MAPK6: variants seen among roughly 807,000 people sequenced by gnomAD.
MAPK6 encodes the protein mitogen-activated protein kinase 6, also known as ERK-3.
In MAPK6, 19 loss-of-function variants were observed where a neutral mutation model predicts 59.3. The ratio of observed to expected loss-of-function variants is 0.32; its 90% CI spans 0.22 to 0.47. MAPK6 has a LOEUF of 0.47. Among genes scored for constraint, MAPK6 ranks in the 20% least tolerant of loss-of-function variants. The pLI is 1.00. For synonymous variants in MAPK6, 316 were observed against 290.3 expected (o/e 1.09, Z -0.90); for missense variants, 724 against 847.9 (o/e 0.85, Z 1.81).
intron 1 of MAPK6, among the ~76,000 whole-genome samples, chr15:51,978,795 A>G (rs893548739): frequency 4.0e-5 from 6 of 151,870 alleles, no homozygotes; most frequent in Non-Finnish European, 8.8e-5. Flanking sequence ...TATAACATAG[A>G]TTACATTACA....
upstream of MAPK6, chr15:52,018,881 C>T (rs904506819): frequency 6.6e-6 from 1 of 152,570 alleles, no homozygotes; most frequent in African/African-American, 2.4e-5. Flanking sequence ...TTCCTGGAGA[C>T]TGAGGCCTCT....
rs2032426305 is a variant in MAPK6 at position 52,066,531 on chromosome 15, C to G, written c.*1531C>G. On this transcript the variant is annotated 3_prime_UTR_variant, in exon 6 of 6. Transcript: ENST00000261845. ...ATACATCTTTGCGTAAGAACTTACC[C>G]TTTTACCTATCCAGCTACAAAACCA... The G allele has an allele frequency of 6.6e-6, 1 of 151,702 alleles. No individual in the cohort carries two copies. Among genetic ancestry groups the G allele is most frequent in the Non-Finnish European group, 1.5e-5 (1 of 67,918 alleles). The allele number at this position is 151,702 out of a possible 1,614,324, so 9.4% of individuals were successfully genotyped here.
At chr15:52,032,455 G>T (rs1417341722) in intron 1 of MAPK6, among the ~76,000 whole-genome samples, 1 of 152,098 alleles carries the variant, frequency 6.6e-6, no homozygotes, top group Non-Finnish European at 1.5e-5. Flanking sequence ...CTCCCAAAGT[G>T]CTGGGATTAC....
chr15:52,039,509 C>CTTT (rs11341546), intron 1 of MAPK6, among the ~76,000 whole-genome samples: 20 of 85,810 alleles, frequency 2.3e-4, no homozygotes, highest in African/African-American at 5.2e-4. Context: ...AGTGTTTTGT[C>CTTT]TTTTTTTTTT....
At chr15:52,039,004 A>T (rs1263633549) in intron 1 of MAPK6, among the ~76,000 whole-genome samples, 1 of 152,174 alleles carries the variant, frequency 6.6e-6, no homozygotes, top group East Asian at 1.9e-4. Flanking sequence ...TTCTAATATG[A>T]ATGGGTTACA....
rs2032383401 is a variant in MAPK6, at chr15:52,065,550, A to G, written c.*550A>G. ...CCACCCATAGTGCTTCACAAAATGC[A>G]CTTCTATTTAGCCAGCGTTTATTGT... is the stretch of plus-strand genomic sequence containing the variant. On this transcript the variant is annotated 3_prime_UTR_variant, in exon 6 of 6. Coordinates refer to ENST00000261845, the MANE Select transcript of MAPK6 (RefSeq NM_002748.4). The G allele has an allele frequency of 6.6e-6, 1 of 152,662 alleles. No individual in the cohort carries two copies. The highest frequency in any genetic ancestry group is 2.4e-5 in the African/African-American group (1 of 41,458). 9.5% of individuals were successfully genotyped at this position (152,662 alleles called of 1,614,324 possible).
At chr15:52,050,381 T>TA (rs2031738874) in intron 3 of MAPK6, among the ~76,000 whole-genome samples, 1 of 152,244 alleles carries the variant, frequency 6.6e-6, no homozygotes, top group Non-Finnish European at 1.5e-5. Context: ...GGACCCATAA[T>TA]ACTTGTTGGT....
chr15:52,029,890 C>T (rs1595983804), intron 1 of MAPK6, among the ~76,000 whole-genome samples: 2 of 152,342 alleles, frequency 1.3e-5, no homozygotes, highest in Admixed American at 1.3e-4. Context: ...ACATTCTTCT[C>T]CCAGTAACAA....
At chr15:51,977,863 G>A (rs2057161779) in intron 1 of MAPK6, among the ~76,000 whole-genome samples, 2 of 151,850 alleles carry the variant, frequency 1.3e-5, no homozygotes, top group South Asian at 4.1e-4. Flanking sequence ...TGCCACCTCA[G>A]TGAAGGAGCC....
At chr15:52,019,598 GCGTCCCCGCGC>G (rs977532577) in intron 1 of MAPK6, among the ~76,000 whole-genome samples, 8 of 146,110 alleles carry the variant, frequency 5.5e-5, no homozygotes, top group African/African-American at 2.0e-4. Context: ...CCTGGCCGGC[GCGTCCCCGCGC>G]GGGCGGGCGG....
At chr15:52,041,508 T>G (rs2031416001) in intron 1 of MAPK6, among the ~76,000 whole-genome samples, 1 of 152,188 alleles carries the variant, frequency 6.6e-6, no homozygotes, top group African/African-American at 2.4e-5. Context: ...AACTTTGCCT[T>G]TATGAAATTA....
intron 2 of MAPK6, among the ~76,000 whole-genome samples, chr15:52,002,103 T>G (rs2057243736): frequency 6.6e-6 from 1 of 152,224 alleles, no homozygotes; most frequent in Non-Finnish European, 1.5e-5. Flanking sequence ...GGCGAAAGCT[T>G]TCATTTGGCT....
chr15:51,983,387 G>A (rs896028227), intron 2 of MAPK6, among the ~76,000 whole-genome samples: 1 of 151,994 alleles, frequency 6.6e-6, no homozygotes, highest in African/African-American at 2.4e-5. Flanking sequence ...GCTGAGGCAG[G>A]AGAATCACTT....
intron 2 of MAPK6, among the ~76,000 whole-genome samples, chr15:51,988,649 T>C (rs2057198521): frequency 6.6e-6 from 1 of 151,912 alleles, no homozygotes; most frequent in Non-Finnish European, 1.5e-5. Flanking sequence ...GGGGAATTGC[T>C]TGAACCCGGG....
chr15:51,972,966 G>T (rs1269906108), intron 1 of MAPK6, among the ~76,000 whole-genome samples: 1 of 151,790 alleles, frequency 6.6e-6, no homozygotes, highest in Non-Finnish European at 1.5e-5. Context: ...CTATGATCAC[G>T]CCACTTCACT....
rs78674340 is a variant in MAPK6, at chr15:52,012,499, C to G, written c.-632+8097C>G. Among the ~76,000 whole-genome samples, 391 of 152,272 alleles carry G rather than the reference C, an allele frequency of 2.6e-3. 3 individuals are homozygous for G. Among genetic ancestry groups the G allele is most frequent in the African/African-American group, 9.0e-3 (372 of 41,548 alleles). On this transcript the variant is annotated intron_variant, in intron 3 of 7. Coordinates refer to the MAPK6 transcript ENST00000691380. ...GTCACATTACCAGGTTAAGCCAAGT[C>G]TCCCAAATCCTGGTCCTTTTCAAAT...
At chr15:52,026,930 C>A (rs1676547940) in intron 1 of MAPK6, among the ~76,000 whole-genome samples, 1 of 151,440 alleles carries the variant, frequency 6.6e-6, no homozygotes, top group African/African-American at 2.4e-5. Context: ...CATACCTGTA[C>A]TCCCAGCTAC....
chr15:51,998,134 G>A (rs1321985808), intron 2 of MAPK6, among the ~76,000 whole-genome samples: 2 of 151,818 alleles, frequency 1.3e-5, no homozygotes, highest in Non-Finnish European at 2.9e-5. Flanking sequence ...AGTAGAGACG[G>A]GGTTTCACCA....
chr15:52,035,487 G>A (rs1212685348), intron 1 of MAPK6: 1 of 152,234 alleles, frequency 6.6e-6, no homozygotes, highest in Non-Finnish European at 1.5e-5. Flanking sequence ...AGCCAGGTGT[G>A]GCGGTACACG....
Sources: gnomAD v4.1 joint callset for allele counts (sites outside exome capture counted in the v4.1 genomes callset) on GRCh38, gnomAD v4.1.1 for gene constraint, MANE v1.5 for transcripts, NCBI Gene and HGNC (gene_info 2026-07-23, HGNC 2026-07-21) for gene names.